Variants in CYP2C8 observed in about 807,000 individuals in gnomAD.
CYP2C8 encodes the protein cytochrome P450 family 2 subfamily C member 8.
In CYP2C8, 51 loss-of-function variants were observed where a neutral mutation model predicts 41.3. That is an observed-to-expected ratio of 1.24 (90% CI 0.99 to 1.56). The LOEUF (loss-of-function observed/expected upper bound fraction) is 1.56. Ranked by LOEUF, CYP2C8 falls within the 40% of genes most tolerant of loss-of-function variation. The pLI, the probability that CYP2C8 is intolerant of heterozygous loss-of-function variation, is 0.00. For synonymous variants in CYP2C8, 218 were observed against 205.8 expected (o/e 1.06, Z -0.51); for missense variants, 651 against 579.9 (o/e 1.12, Z -1.26).
Position 95,058,362 on chromosome 10 carries a change from G to A in CYP2C8, c.792C>T (p.Ile264=), listed in dbSNP as rs1058930. ...GCTCCATTTTGATCAGGAAGCAATCGATAAAGTCCCGAGGATTGTTAACAT... is the reference window on the plus strand; with the variant it reads ...GCTCCATTTTGATCAGGAAGCAATCAATAAAGTCCCGAGGATTGTTAACAT... ...SLDVNNPRDF[I]DCFLIKMEQE... is the part of the protein sequence containing the mutation. Residue 264 remains isoleucine (I), a synonymous_variant, in exon 5 of 9, where the codon ATC becomes ATT. Transcript: ENST00000371270. 262 of 1,613,278 alleles carry A rather than the reference G, an allele frequency of 1.6e-4. No individual in the cohort carries two copies. The highest frequency in any genetic ancestry group is 2.0e-4 in the Non-Finnish European group (240 of 1,179,546).
At chr10:95,058,799 C>A (rs2033363321) in intron 4 of CYP2C8, among the ~76,000 whole-genome samples, 1 of 152,102 alleles carries the variant, frequency 6.6e-6, no homozygotes, top group South Asian at 2.1e-4. Context: ...CCCCCTCCCC[C>A]CACCACACAA....
intron 5 of CYP2C8, among the ~76,000 whole-genome samples, chr10:95,056,234 C>T (rs1335036176): frequency 6.6e-6 from 1 of 151,996 alleles, no homozygotes; most frequent in African/African-American, 2.4e-5. Flanking sequence ...TGCACTGACA[C>T]AAAAAACAGA....
chr10:95,055,153 A>G (rs891724287), intron 5 of CYP2C8, among the ~76,000 whole-genome samples: 4 of 152,122 alleles, frequency 2.6e-5, no homozygotes, highest in Admixed American at 2.0e-4. Context: ...TCCTGAATTT[A>G]TATGCAACTA....
chr10:95,062,908 G>A (rs1304402292), intron 4 of CYP2C8, among the ~76,000 whole-genome samples: 3 of 152,128 alleles, frequency 2.0e-5, no homozygotes, highest in Non-Finnish European at 4.4e-5. Flanking sequence ...AGCTTAGTTT[G>A]GCTGGATATG....
chr10:95,067,579 A>G lies in CYP2C8; in HGVS notation c.281T>C (p.Phe94Ser). 3.7e-6 allele frequency: 6 copies of G among 1,614,016 alleles called. No homozygotes were observed. The highest frequency in any genetic ancestry group is 5.1e-6 in the Non-Finnish European group (6 of 1,180,000). Residue 94 changes from phenylalanine to serine, a missense_variant, in exon 2 of 9, where the codon TTT (phenylalanine) becomes TCT (serine). Phe to Ser is a radical substitution (Grantham distance 155). Transcript: ENST00000371270. ...KEALIDNGEE[F>S]SGRGNSPISQ... ...TATTGGGGAATTGCCTCTTCCAGAA[A>G]ACTCCTCTCCATTATCAATCAGGGC...
intron 1 of CYP2C8, 168 bp downstream of exon 1, chr10:95,069,062 CAAAAA>C: frequency 4.6e-6 from 3 of 650,572 alleles, no homozygotes; most frequent in Non-Finnish European, 5.0e-6. Flanking sequence ...GACTCCGTCT[CAAAAA>C]AAAAAAAAAT....
chr10:95,065,335 T>C (rs188011311), intron 3 of CYP2C8, among the ~76,000 whole-genome samples: 131 of 152,286 alleles, frequency 8.6e-4, no homozygotes, highest in Non-Finnish European at 1.6e-3. Flanking sequence ...AACACAGAGA[T>C]AGGAAGAGAA....
At chr10:95,058,022 T>A (rs538296466) in intron 5 of CYP2C8, among the ~76,000 whole-genome samples, 2 of 152,320 alleles carry the variant, frequency 1.3e-5, no homozygotes, top group African/African-American at 4.8e-5. Flanking sequence ...TTGATATTCA[T>A]CTTCAGTTTG....
chr10:95,062,777 C>T (rs956712390), intron 4 of CYP2C8, among the ~76,000 whole-genome samples: 8 of 152,104 alleles, frequency 5.3e-5, no homozygotes, highest in Non-Finnish European at 1.0e-4. Flanking sequence ...TGGCTGGTAC[C>T]GGTTGTTCCT....
chr10:95,043,189 G>A, intron 6 of CYP2C8, 112 bp from the exon 7 acceptor site: 2 of 942,278 alleles, frequency 2.1e-6, no homozygotes, highest in South Asian at 1.4e-5. Context: ...TTACAAACAT[G>A]AGTTACATGT....
intron 4 of CYP2C8, among the ~76,000 whole-genome samples, chr10:95,061,103 G>C (rs143042734): frequency 6.6e-6 from 1 of 151,870 alleles, no homozygotes; most frequent in Non-Finnish European, 1.5e-5. Flanking sequence ...TAAAATTCTC[G>C]TTTTTTGTTG....
chr10:95,055,736 C>T (rs2033303404), intron 5 of CYP2C8, among the ~76,000 whole-genome samples: 1 of 152,042 alleles, frequency 6.6e-6, no homozygotes, highest in Non-Finnish European at 1.5e-5. Context: ...GGGTTTAATG[C>T]CCAGAATCCA....
rs200819252 is a variant in CYP2C8 at position 95,037,103 on chromosome 10, C to T, written c.*25G>A. ...AAAAGAGTTGCAGGTGATAGCAGAT[C>T]GGCAGCCAGATGGGCTAGCATTCTT... On this transcript the variant is annotated 3_prime_UTR_variant, in exon 9 of 9. Transcript: ENST00000371270. 1,146 of 1,609,706 alleles carry T rather than the reference C, an allele frequency of 7.1e-4. 2 individuals carry two copies. Among genetic ancestry groups the T allele is most frequent in the Non-Finnish European group, 9.0e-4 (1,064 of 1,176,512 alleles).
intron 4 of CYP2C8, among the ~76,000 whole-genome samples, chr10:95,062,665 G>T (rs1365170621): frequency 1.3e-5 from 2 of 152,148 alleles, no homozygotes; most frequent in South Asian, 4.1e-4. Context: ...TGTTATGCTT[G>T]AATTTGATCC....
At chr10:95,039,113 C>A in intron 7 of CYP2C8, 75 bp from the exon 8 acceptor site, 8 of 1,344,976 alleles carry the variant, frequency 5.9e-6, no homozygotes, top group Non-Finnish European at 8.5e-6. Flanking sequence ...CATCACGTAG[C>A]GCCATAACGT....
intron 5 of CYP2C8, among the ~76,000 whole-genome samples, chr10:95,048,821 CT>C (rs1462206310): frequency 6.6e-6 from 1 of 152,090 alleles, no homozygotes; most frequent in Non-Finnish European, 1.5e-5. Flanking sequence ...CAAAAATTAA[CT>C]CAAGATGGAC....
At chr10:95,061,139 G>A (rs2033419570) in intron 4 of CYP2C8, among the ~76,000 whole-genome samples, 1 of 152,176 alleles carries the variant, frequency 6.6e-6, no homozygotes, top group African/African-American at 2.4e-5. Context: ...TTGTTATCAG[G>A]ATGATGCTGG....
In CYP2C8 at chr10:95,045,951, C is replaced by G. The variant is rs78637571; in HGVS notation, c.820G>C (p.Glu274Gln). The change falls in exon 6 of 9, where the codon GAA (glutamate) becomes CAA (glutamine). Residue 274 changes from glutamate (E) to glutamine (Q), a missense_variant and splice_region_variant. By Grantham distance (29) the Glu-to-Gln change is conservative. Coordinates refer to ENST00000371270, the MANE Select transcript of CYP2C8 (RefSeq NM_000770.3). ...AATTCTGACTTTTGGTTGTCCTTTTCCTAGAAGTGATTTCATGCAATTATC... is the reference window on the plus strand; with the variant it reads ...AATTCTGACTTTTGGTTGTCCTTTTGCTAGAAGTGATTTCATGCAATTATC... ...IDCFLIKMEQ[E>Q]KDNQKSEFNI... The G allele has an allele frequency of 1.2e-6, 2 of 1,613,704 alleles. No homozygotes were observed. Among genetic ancestry groups the G allele is most frequent in the African/African-American group, 2.7e-5 (2 of 74,914 alleles).
In CYP2C8 at chr10:95,037,028, A is replaced by T; in HGVS notation, c.*100T>A. ...TATGGGATATTGAGTGAATGGGAAG[A>T]TTTGATGAGAGGTCAGAGAAGACAT... On this transcript the variant is annotated 3_prime_UTR_variant, in exon 9 of 9. Coordinates refer to ENST00000371270, the MANE Select transcript of CYP2C8 (RefSeq NM_000770.3). The T allele has an allele frequency of 8.7e-7, 1 of 1,146,882 alleles. No homozygotes were observed. Among genetic ancestry groups the T allele is most frequent in the Non-Finnish European group, 1.3e-6 (1 of 766,420 alleles). The allele number at this position is 1,146,882 out of a possible 1,614,324, so 71.0% of individuals were successfully genotyped here.
Sources: gnomAD v4.1 joint callset for allele counts (sites outside exome capture counted in the v4.1 genomes callset) on GRCh38, gnomAD v4.1.1 for gene constraint, MANE v1.5 for transcripts, NCBI Gene and HGNC (gene_info 2026-07-23, HGNC 2026-07-21) for gene names.